Variants in EFR3A observed in about 807,000 individuals in gnomAD.
The protein encoded by EFR3A is EFR3 homolog A.
In EFR3A, 76 loss-of-function variants were observed where a neutral mutation model predicts 104.4. That is an observed-to-expected ratio of 0.73 (90% CI 0.60 to 0.88). The LOEUF (loss-of-function observed/expected upper bound fraction) is 0.88, where lower values mean the gene tolerates loss of function less well. Among genes scored for constraint, EFR3A ranks in the 40% least tolerant of loss-of-function variants. The pLI is 0.00. For missense variants in EFR3A, 985 were observed against 1,012.5 expected (o/e 0.97, Z 0.37); for synonymous variants, 330 against 330.0 (o/e 1.00, Z 0.00).
At chr8:131,960,338 G>A (rs551948908) in intron 8 of EFR3A, among the ~76,000 whole-genome samples, 2 of 151,948 alleles carry the variant, frequency 1.3e-5, no homozygotes, top group South Asian at 2.1e-4. Flanking sequence ...AAAACCCCAC[G>A]TATATGGGGG....
chr8:131,959,646 A>G lies in EFR3A; in HGVS notation c.838A>G (p.Ile280Val). The G allele has an allele frequency of 6.2e-7, 1 of 1,611,414 alleles. No homozygotes were observed. The highest frequency in any genetic ancestry group is 1.3e-5 in the African/African-American group (1 of 74,968). The change falls in exon 8 of 23, where the codon ATA becomes GTA. Residue 280 changes from isoleucine to valine, a missense_variant. Physicochemically the swap from Ile to Val is conservative, Grantham distance 29. Transcript: ENST00000254624. Reference protein sequence around the residue: ...NEFAVHCFKIIMYSIQAQYSH... With the variant: ...NEFAVHCFKIVMYSIQAQYSH... Reference sequence around the variant, plus strand: ...ATTTGCAGTTCACTGCTTTAAAATTATAATGTATTCCATTCAGGTAAGGTT... The same window carrying G: ...ATTTGCAGTTCACTGCTTTAAAATTGTAATGTATTCCATTCAGGTAAGGTT...
At chr8:131,987,735 G>T in intron 18 of EFR3A, 33 bp downstream of exon 18, 5 of 1,553,082 alleles carry the variant, frequency 3.2e-6, no homozygotes, top group Non-Finnish European at 4.3e-6. Context: ...TTTCACTCTG[G>T]TGATTGCTTA....
rs924005137 is a variant in EFR3A, at chr8:132,012,322, T to C, written c.*1427T>C. On this transcript the variant is annotated 3_prime_UTR_variant, in exon 23 of 23. Transcript: ENST00000254624. ...GAAACAGACAAAAGTAAGGAAACGA[T>C]AATAGGACAAGCATACTTGAAAATT... 6.6e-6 allele frequency: 1 copy of C among 152,162 alleles called. No homozygotes were observed. The allele number at this position is 152,162 out of a possible 1,614,324, so 9.4% of individuals were successfully genotyped here.
intron 6 of EFR3A, among the ~76,000 whole-genome samples, chr8:131,954,392 C>G (rs1044604605): frequency 2.0e-5 from 3 of 151,814 alleles, no homozygotes; most frequent in African/African-American, 7.2e-5. Flanking sequence ...AATAGCTACC[C>G]ACACTGTATT....
intron 8 of EFR3A, among the ~76,000 whole-genome samples, chr8:131,965,394 G>A (rs912187275): frequency 6.6e-6 from 1 of 152,054 alleles, no homozygotes; most frequent in Admixed American, 6.6e-5. Flanking sequence ...TCAACAAGTG[G>A]GTGAAGGATA....
chr8:131,952,104 T>G (rs1242293674), intron 5 of EFR3A, among the ~76,000 whole-genome samples: 1 of 152,074 alleles, frequency 6.6e-6, no homozygotes, highest in Non-Finnish European at 1.5e-5. Context: ...ACTCTAATTT[T>G]CTGAAGAAAC....
rs773576058 is a variant in EFR3A at position 131,955,777 on chromosome 8, C to G, written c.648C>G (p.Gly216=). Reference sequence around the variant, plus strand: ...TCTCGTTCCTTTTTAGTCGCATAGGCCCTCCTTCTTCTCCTTCTGCAACTG... The same window carrying G: ...TCTCGTTCCTTTTTAGTCGCATAGGGCCTCCTTCTTCTCCTTCTGCAACTG... The part of the protein sequence containing the change: ...QKIEEVDSRI[G]PPSSPSATDK... Residue 216 remains glycine, a synonymous_variant, in exon 7 of 23, where the codon GGC becomes GGG. Coordinates refer to ENST00000254624, the MANE Select transcript of EFR3A (RefSeq NM_015137.6). 1 of 1,612,444 alleles carries G rather than the reference C, an allele frequency of 6.2e-7. No homozygotes were observed. The highest frequency in any genetic ancestry group is 1.7e-5 in the Admixed American group (1 of 59,902).
Position 131,987,709 on chromosome 8 carries a change from G to T in EFR3A, c.2065+7G>T. 1 of 1,579,014 alleles carries T rather than the reference G, an allele frequency of 6.3e-7. No homozygotes were observed. The highest frequency in any genetic ancestry group is 1.3e-5 in the African/African-American group (1 of 74,336). On this transcript the variant is annotated splice_region_variant and intron_variant, in intron 18 of 22. Coordinates refer to ENST00000254624, the MANE Select transcript of EFR3A (RefSeq NM_015137.6). ...TATGTACCACAAGTAACAGGTAAGA[G>T]GAGGATAATTAGAACTTTCACTCTG...
intron 7 of EFR3A, among the ~76,000 whole-genome samples, chr8:131,958,084 G>A (rs1281205020): frequency 6.6e-6 from 1 of 152,142 alleles, no homozygotes; most frequent in Non-Finnish European, 1.5e-5. Flanking sequence ...GCAGGTTACT[G>A]TAATAAAATT....
intron 19 of EFR3A, among the ~76,000 whole-genome samples, chr8:131,997,636 A>G (rs1224878899): frequency 1.3e-5 from 2 of 152,040 alleles, no homozygotes; most frequent in Non-Finnish European, 2.9e-5. Flanking sequence ...CTTCAGAGCT[A>G]TTTAATTTAT....
chr8:131,985,675 C>A (rs1586653543), intron 16 of EFR3A, among the ~76,000 whole-genome samples: 1 of 152,162 alleles, frequency 6.6e-6, no homozygotes, highest in Admixed American at 6.5e-5. Flanking sequence ...CTCTAAGAAA[C>A]AAAACTCATC....
At chr8:131,959,560 T>C in intron 7 of EFR3A, 25 bp from the exon 8 acceptor site, 2 of 1,598,096 alleles carry the variant, frequency 1.3e-6, no homozygotes, top group Non-Finnish European at 1.7e-6. Flanking sequence ...ATAGAGAATT[T>C]TAAAGTAATT....
In EFR3A at chr8:131,904,184, A is replaced by ACCCTGCG; in HGVS notation, c.-125_-124insGCGCCCT. 1 of 1,083,938 alleles carries ACCCTGCG rather than the reference A, an allele frequency of 9.2e-7. No individual in the cohort carries two copies. Among genetic ancestry groups the ACCCTGCG allele is most frequent in the Non-Finnish European group, 1.2e-6 (1 of 851,042 alleles). 67.1% of individuals were successfully genotyped at this position (1,083,938 alleles called of 1,614,324 possible). On this transcript the variant is annotated 5_prime_UTR_variant, in exon 1 of 23. Coordinates refer to ENST00000254624, the MANE Select transcript of EFR3A (RefSeq NM_015137.6). The stretch of plus-strand genomic sequence containing the variant: ...CGCGGGGTCCGCGTCCGCTCCCTCC[A>ACCCTGCG]CCCTTCGCCCTTCGCCCTTCGCCTC...
At position 132,012,974 on chromosome 8, in the gene EFR3A, A is replaced by G. The variant is rs1035145986; in HGVS notation, c.*2079A>G. 6.6e-6 allele frequency: 1 copy of G among 152,140 alleles called. No homozygotes were observed. Among genetic ancestry groups the G allele is most frequent in the Non-Finnish European group, 1.5e-5 (1 of 68,026 alleles). The allele number at this position is 152,140 out of a possible 1,614,324, so 9.4% of individuals were successfully genotyped here. On this transcript the variant is annotated 3_prime_UTR_variant, in exon 23 of 23. Transcript: ENST00000254624. ...TGTTTTTAAATTACAGTAGGCTTCTATATATCCTGGATTTCTGAACTGGTC... is the reference window on the plus strand; with the variant it reads ...TGTTTTTAAATTACAGTAGGCTTCTGTATATCCTGGATTTCTGAACTGGTC...
chr8:131,916,665 A>T (rs982823547), intron 1 of EFR3A, among the ~76,000 whole-genome samples: 2 of 152,220 alleles, frequency 1.3e-5, no homozygotes, highest in African/African-American at 4.8e-5. Flanking sequence ...AAGAGGGAGC[A>T]GGTGGGTCAT....
chr8:131,928,040 C>G (rs1269987468), intron 1 of EFR3A, among the ~76,000 whole-genome samples: 1 of 152,144 alleles, frequency 6.6e-6, no homozygotes, highest in African/African-American at 2.4e-5. Flanking sequence ...AATCTGACAA[C>G]TATAATTTTT....
intron 14 of EFR3A, among the ~76,000 whole-genome samples, chr8:131,981,657 A>C (rs867699700): frequency 2.0e-5 from 3 of 152,138 alleles, no homozygotes; most frequent in Admixed American, 6.6e-5. Context: ...AGGATGATGG[A>C]CTGGCCTTTA....
intron 1 of EFR3A, among the ~76,000 whole-genome samples, chr8:131,928,872 A>G (rs75199814): frequency 0.021 from 3,202 of 151,992 alleles, 54 homozygotes; most frequent in Middle Eastern, 0.044. Context: ...GTATTTGAAA[A>G]ATTATTCTTT....
At chr8:131,987,517 A>T in intron 17 of EFR3A, 58 bp from the exon 18 acceptor site, 1 of 1,518,636 alleles carries the variant, frequency 6.6e-7, no homozygotes, top group South Asian at 1.3e-5. Context: ...TTGCATAGTA[A>T]CTTATTTTTG....
Sources: allele counts gnomAD v4.1 joint callset (sites outside exome capture counted in the v4.1 genomes callset), GRCh38; gene constraint gnomAD v4.1.1; transcripts MANE v1.5; gene names NCBI Gene and HGNC (gene_info 2026-07-23, HGNC 2026-07-21).